The following PAH variants were observed in gnomAD, a reference collection of about 807,000 sequenced individuals.
PAH encodes phenylalanine-4-hydroxylase.
PAH carries 64 observed loss-of-function variants against 62.0 expected under a neutral mutation model. The ratio of observed to expected loss-of-function variants is 1.03; its 90% CI spans 0.84 to 1.27. PAH has a LOEUF of 1.27. PAH is among the 50% of genes most tolerant of loss of function. The pLI, the probability that PAH is intolerant of heterozygous loss-of-function variation, is 0.00. For synonymous variants in PAH, 195 were observed against 196.2 expected, an observed-to-expected ratio of 0.99 and a Z score of 0.05; for missense variants, 579 against 542.8, an observed-to-expected ratio of 1.07 and a Z score of -0.66.
chr12:102,940,710 A>G (rs1879257483), intron 1 of PAH, among the ~76,000 whole-genome samples: 1 of 152,234 alleles, frequency 6.6e-6, no homozygotes, highest in Non-Finnish European at 1.5e-5. Context: ...GGCATCCCTG[A>G]AAGACAGGAA....
At chr12:102,914,269 TCATTTATTTAGAGCCTATATAAA>T (rs1326174671) in intron 1 of PAH, among the ~76,000 whole-genome samples, 1 of 152,208 alleles carries the variant, frequency 6.6e-6, no homozygotes, top group Non-Finnish European at 1.5e-5. Flanking sequence ...CTAAAAAACT[TCATTTATTTAGAGCCTATATAAA>T]CATTTATTTA....
intron 5 of PAH, among the ~76,000 whole-genome samples, chr12:102,856,681 T>C (rs1332717824): frequency 6.6e-6 from 1 of 152,164 alleles, no homozygotes; most frequent in African/African-American, 2.4e-5. Context: ...TCAGAAATAT[T>C]TGCTGTTCTG....
chr12:102,926,101 C>G lies in PAH; in HGVS notation c.-95-8876G>C, dbSNP rs74416818. Among the ~76,000 whole-genome samples the G allele has an allele frequency of 8.6e-3, 1,302 of 152,104 alleles. 53 individuals are homozygous for G. The East Asian group carries it at 0.12, about 14-fold the overall frequency. ...CAGGAGAGTCTACTCAAAGTAATTT[C>G]ACATCCTATTAGGAAACAGGAACAT... is the stretch of plus-strand genomic sequence containing the variant. On this transcript the variant is annotated intron_variant, in intron 1 of 3. Transcript: ENST00000546844.
At chr12:102,845,848 T>C (rs550678218) in intron 9 of PAH, among the ~76,000 whole-genome samples, 60 of 152,294 alleles carry the variant, frequency 3.9e-4, no homozygotes, top group African/African-American at 1.4e-3. Context: ...ATCAGTAACA[T>C]TTTTTCAATC....
chr12:102,888,792 T>C (rs913997224), intron 3 of PAH, among the ~76,000 whole-genome samples: 5 of 151,814 alleles, frequency 3.3e-5, no homozygotes, highest in Non-Finnish European at 7.4e-5. Context: ...CATCAGTGCA[T>C]CCAGCAAGCA....
chr12:102,838,770 C>A lies in PAH; in HGVS notation c.*405G>T. The A allele has an allele frequency of 1.7e-5, 3 of 173,186 alleles. No individual in the cohort carries two copies. The highest frequency in any genetic ancestry group is 1.5e-4 in the South Asian group (1 of 6,606). 10.7% of individuals were successfully genotyped at this position (173,186 alleles called of 1,614,324 possible). A position where few individuals can be genotyped will look rare whatever the true frequency, so the allele number is the denominator to read the frequency against. ...TCATAGGTTACGATTTATATTAAGC[C>A]CAATAATTCAATTCTAATGACAGTC... On this transcript the variant is annotated 3_prime_UTR_variant, in exon 13 of 13. Coordinates refer to ENST00000553106, the MANE Select transcript of PAH (RefSeq NM_000277.3).
At chr12:102,951,286 C>T (rs1218034073), upstream of PAH, among the ~76,000 whole-genome samples, 3 of 152,160 alleles carry the variant, frequency 2.0e-5, no homozygotes, top group Non-Finnish European at 2.9e-5. Flanking sequence ...GAGCCTGGCC[C>T]CGCTGCGCGC....
intron 3 of PAH, among the ~76,000 whole-genome samples, chr12:102,885,014 G>A (rs975559673): frequency 3.9e-5 from 6 of 152,188 alleles, no homozygotes; most frequent in African/African-American, 1.4e-4. Flanking sequence ...TGCAGCCGAT[G>A]CACTTCACCA....
At position 102,843,698 on chromosome 12, in the gene PAH, G is replaced by A. The variant is rs1037293795; in HGVS notation, c.1147C>T (p.Gln383Ter). The change falls in exon 11 of 13, where the codon CAG (glutamine) becomes TAG (stop). Residue 383 changes from glutamine (Q) to a stop codon, truncating the protein, a stop_gained. Coordinates refer to ENST00000553106, the MANE Select transcript of PAH (RefSeq NM_000277.3). LOFTEE classifies it high-confidence loss of function. ...CTCTCTGCCACGTAATAGAGGGGCT[G>A]GAACTCCGTGACAGTGTAATTTTGG... is the stretch of plus-strand genomic sequence containing the variant. ...AIQNYTVTEF[Q>*]PLYYVAESFN... The A allele has an allele frequency of 1.2e-6, 2 of 1,613,606 alleles. No homozygotes were observed. Among genetic ancestry groups the A allele is most frequent in the African/African-American group, 1.3e-5 (1 of 74,976 alleles).
At chr12:102,861,115 A>G (rs578155829) in intron 5 of PAH, among the ~76,000 whole-genome samples, 2 of 152,362 alleles carry the variant, frequency 1.3e-5, no homozygotes, top group East Asian at 3.9e-4. Flanking sequence ...CAGAATCTAC[A>G]AAGAACTCAA....
chr12:102,935,909 T>C (rs548083879), intron 1 of PAH, among the ~76,000 whole-genome samples: 32 of 152,084 alleles, frequency 2.1e-4, no homozygotes, highest in African/African-American at 7.7e-4. Flanking sequence ...TCTTTATTTT[T>C]TTTTCTTCTA....
intron 3 of PAH, among the ~76,000 whole-genome samples, chr12:102,891,952 G>A (rs887191432): frequency 1.3e-5 from 2 of 152,188 alleles, no homozygotes; most frequent in Non-Finnish European, 2.9e-5. Context: ...TTGTCCAAAG[G>A]GTCTGCAGCT....
intron 8 of PAH, among the ~76,000 whole-genome samples, chr12:102,847,810 G>A (rs945734991): frequency 6.6e-6 from 1 of 152,170 alleles, no homozygotes; most frequent in Non-Finnish European, 1.5e-5. Flanking sequence ...AGGAAGTGGA[G>A]TTGTTGGTTA....
chr12:102,877,457 C>G lies in PAH; in HGVS notation c.441+5G>C. ...AAAATCTCATCCTACGGGCCATGGA[C>G]TCACAGGGTGGTCAGCATCCAGTTC... On this transcript the variant is annotated splice_donor_5th_base_variant and intron_variant, in intron 4 of 12. Coordinates refer to ENST00000553106, the MANE Select transcript of PAH (RefSeq NM_000277.3). The G allele has an allele frequency of 1.2e-6, 2 of 1,610,430 alleles. No individual in the cohort carries two copies. The highest frequency in any genetic ancestry group is 1.7e-6 in the Non-Finnish European group (2 of 1,176,680).
Position 102,891,703 on chromosome 12 carries a change from C to T in PAH, c.352+3032G>A, listed in dbSNP as rs189945319. ...CTCAAAGTCACACCGAGTGTGGTCG[C>T]CGTGCTTCCTGAATCTGCACTCTTA... On this transcript the variant is annotated intron_variant, in intron 3 of 12. Transcript: ENST00000553106. 4.8e-4 allele frequency among the ~76,000 whole-genome samples: 73 copies of T among 152,260 alleles called. No homozygotes were observed. In the South Asian group the frequency reaches 9.1e-3, roughly 19 times the overall value.
intron 2 of PAH, among the ~76,000 whole-genome samples, chr12:102,897,591 A>G (rs949402898): frequency 6.6e-6 from 1 of 151,922 alleles, no homozygotes; most frequent in African/African-American, 2.4e-5. Flanking sequence ...CACAAGTATA[A>G]ATAGTCTTAG....
At chr12:102,938,371 CA>C (rs1192442009) in intron 1 of PAH, among the ~76,000 whole-genome samples, 2 of 152,200 alleles carry the variant, frequency 1.3e-5, no homozygotes, top group African/African-American at 4.8e-5. Context: ...GCAGAGCTAC[CA>C]CTCAGGCTCA....
At chr12:102,901,379 T>G (rs1019317487) in intron 2 of PAH, among the ~76,000 whole-genome samples, 4 of 152,208 alleles carry the variant, frequency 2.6e-5, no homozygotes, top group Non-Finnish European at 5.9e-5. Flanking sequence ...ACCTGGCAGC[T>G]TAATGAGAGT....
intron 2 of PAH, chr12:102,904,818 A>G: frequency 2.2e-6 from 1 of 456,222 alleles, no homozygotes. Flanking sequence ...CGAGTAGACT[A>G]TGCACACCAC....
Sources: gnomAD v4.1 joint callset for allele counts (sites outside exome capture counted in the v4.1 genomes callset) on GRCh38, gnomAD v4.1.1 for gene constraint, MANE v1.5 for transcripts, NCBI Gene and HGNC (gene_info 2026-07-23, HGNC 2026-07-21) for gene names.